Variants in SUCLG2 observed in about 807,000 individuals in gnomAD.
SUCLG2 encodes the protein succinate--CoA ligase [GDP-forming] subunit beta, mitochondrial.
Under a neutral mutation model 47.9 loss-of-function variants are expected in SUCLG2, and 42 were observed. The observed-to-expected ratio is 0.88, with a 90% CI of 0.69 to 1.14. The LOEUF (loss-of-function observed/expected upper bound fraction) is 1.14. SUCLG2 is among the 50% of genes most tolerant of loss of function. SUCLG2 has a pLI of 0.00. For missense variants in SUCLG2, 571 were observed against 525.9 expected (o/e 1.09, Z -0.84); for synonymous variants, 195 against 197.3 (o/e 0.99, Z 0.10).
At chr3:67,487,199 T>G (rs1705076054) in intron 9 of SUCLG2, among the ~76,000 whole-genome samples, 1 of 150,964 alleles carries the variant, frequency 6.6e-6, no homozygotes, top group Non-Finnish European at 1.5e-5. Flanking sequence ...GTGGGAGGGG[T>G]GGGGGGAATA....
intron 7 of SUCLG2, among the ~76,000 whole-genome samples, chr3:67,503,838 T>C (rs1314638813): frequency 6.6e-6 from 1 of 152,212 alleles, no homozygotes; most frequent in Non-Finnish European, 1.5e-5. Context: ...TGTTGTTTTG[T>C]TTAGTGGCGT....
chr3:67,386,545 G>C (rs999968229), intron 10 of SUCLG2, among the ~76,000 whole-genome samples: 1 of 152,210 alleles, frequency 6.6e-6, no homozygotes, highest in Non-Finnish European at 1.5e-5. Flanking sequence ...ACATGGCTGA[G>C]GAGGCCTCAC....
chr3:67,401,864 A>G (rs1208664259), intron 9 of SUCLG2, among the ~76,000 whole-genome samples: 1 of 152,230 alleles, frequency 6.6e-6, no homozygotes, highest in African/African-American at 2.4e-5. Flanking sequence ...TGAGAAGAGA[A>G]TATCTTACAT....
At chr3:67,487,295 CTAAG>C (rs1219149273) in intron 9 of SUCLG2, among the ~76,000 whole-genome samples, 2 of 151,928 alleles carry the variant, frequency 1.3e-5, no homozygotes, top group Non-Finnish European at 1.5e-5. Context: ...TCATGGGAAA[CTAAG>C]TAAATCATAG....
At chr3:67,390,388 A>C (rs1423832207) in intron 10 of SUCLG2, among the ~76,000 whole-genome samples, 2 of 152,236 alleles carry the variant, frequency 1.3e-5, no homozygotes, top group African/African-American at 4.8e-5. Context: ...TTTTGTGGAC[A>C]AATCTTTGTT....
chr3:67,539,948 CT>C (rs1476982521), intron 2 of SUCLG2, among the ~76,000 whole-genome samples: 1 of 151,778 alleles, frequency 6.6e-6, no homozygotes, highest in Non-Finnish European at 1.5e-5. Flanking sequence ...ATTCTTCTCT[CT>C]TTTTTTATTA....
chr3:67,570,205 A>C (rs1422898635), intron 2 of SUCLG2, among the ~76,000 whole-genome samples: 1 of 152,228 alleles, frequency 6.6e-6, no homozygotes. Flanking sequence ...TCTAGCTTTC[A>C]GAACTATGAA....
chr3:67,619,188 T>C (rs1700686598), intron 1 of SUCLG2, among the ~76,000 whole-genome samples: 1 of 152,204 alleles, frequency 6.6e-6, no homozygotes, highest in East Asian at 1.9e-4. Flanking sequence ...CTGATCCAAA[T>C]CAAATACTAG....
At chr3:67,538,008 C>T (rs189726626) in intron 2 of SUCLG2, among the ~76,000 whole-genome samples, 43 of 152,252 alleles carry the variant, frequency 2.8e-4, no homozygotes, top group Middle Eastern at 6.8e-3. Flanking sequence ...AATGTTCTCC[C>T]ACTCTGTAGG....
chr3:67,580,631 T>A (rs1264154501), intron 2 of SUCLG2, among the ~76,000 whole-genome samples: 1 of 152,166 alleles, frequency 6.6e-6, no homozygotes, highest in Non-Finnish European at 1.5e-5. Flanking sequence ...CGGCAGAGAT[T>A]GTCCCTTGAT....
intron 1 of SUCLG2, among the ~76,000 whole-genome samples, 187 bp downstream of exon 1, chr3:67,654,316 G>A (rs924354692): frequency 1.3e-5 from 2 of 152,184 alleles, no homozygotes; most frequent in African/African-American, 2.4e-5. Context: ...CCGCCGCGCC[G>A]CCCCTGCCCC....
chr3:67,457,695 T>TC (rs1199411742), intron 9 of SUCLG2, among the ~76,000 whole-genome samples: 53 of 146,288 alleles, frequency 3.6e-4, no homozygotes, highest in African/African-American at 1.3e-3. Context: ...TTTTTTTTTT[T>TC]TTTTTTTTTT....
At chr3:67,464,427 T>G (rs969155512) in intron 9 of SUCLG2, among the ~76,000 whole-genome samples, 2 of 152,190 alleles carry the variant, frequency 1.3e-5, no homozygotes, top group African/African-American at 4.8e-5. Context: ...AATTCCAAAT[T>G]TCAACCATCA....
At chr3:67,515,531 TTAA>T (rs1705921572) in intron 6 of SUCLG2, among the ~76,000 whole-genome samples, 1 of 152,148 alleles carries the variant, frequency 6.6e-6, no homozygotes, top group Non-Finnish European at 1.5e-5. Flanking sequence ...AGGAAAGATA[TTAA>T]TAATTTTATA....
At chr3:67,424,673 A>C (rs12489223) in intron 9 of SUCLG2, among the ~76,000 whole-genome samples, 117,033 of 151,342 alleles carry the variant, frequency 0.77, 45,494 homozygotes, top group Admixed American at 0.87. Context: ...GATCCTGGCA[A>C]GTCATAAGAG....
chr3:67,390,861 T>A (rs1199543055), intron 10 of SUCLG2, among the ~76,000 whole-genome samples: 1 of 152,172 alleles, frequency 6.6e-6, no homozygotes, highest in Admixed American at 6.5e-5. Context: ...CAACATCTTA[T>A]AATAATTTTT....
intron 1 of SUCLG2, among the ~76,000 whole-genome samples, chr3:67,653,450 G>A (rs959877820): frequency 6.6e-6 from 1 of 152,146 alleles, no homozygotes; most frequent in Non-Finnish European, 1.5e-5. Flanking sequence ...TGAAAGGAGA[G>A]GGGTAAAAAT....
intron 10 of SUCLG2, among the ~76,000 whole-genome samples, chr3:67,391,614 T>A (rs1186805926): frequency 6.6e-6 from 1 of 152,184 alleles, no homozygotes; most frequent in African/African-American, 2.4e-5. Context: ...CTCGGTAGAT[T>A]GACTGTGGGC....
intron 2 of SUCLG2, among the ~76,000 whole-genome samples, chr3:67,597,907 C>A (rs1310910127): frequency 1.3e-5 from 2 of 151,958 alleles, no homozygotes; most frequent in Non-Finnish European, 2.9e-5. Context: ...CCCTGCATTC[C>A]AGCCTGGGCA....
Sources: gnomAD v4.1 joint callset for allele counts (sites outside exome capture counted in the v4.1 genomes callset) on GRCh38, gnomAD v4.1.1 for gene constraint, MANE v1.5 for transcripts, NCBI Gene and HGNC (gene_info 2026-07-23, HGNC 2026-07-21) for gene names.